YIPF4: variants seen among roughly 807,000 people sequenced by gnomAD.
The protein encoded by YIPF4 is protein YIPF4.
Under a neutral mutation model 29.4 loss-of-function variants are expected in YIPF4, and 18 were observed. The observed-to-expected ratio is 0.61, with a 90% CI of 0.42 to 0.91. YIPF4 has a LOEUF of 0.91. Among genes scored for constraint, YIPF4 ranks in the 40% least tolerant of loss-of-function variants. YIPF4 has a pLI of 0.00. For synonymous variants in YIPF4, 115 were observed against 104.7 expected (o/e 1.10, Z -0.60); for missense variants, 279 against 282.7 (o/e 0.99, Z 0.09).
rs78493840 is a variant in YIPF4, at chr2:32,287,680, G to C, written c.80-2803G>C. On this transcript the variant is annotated intron_variant, in intron 1 of 5. Coordinates refer to ENST00000238831, the MANE Select transcript of YIPF4 (RefSeq NM_032312.4). ...ACCCAGTCATACATTTGAGTTGAAA[G>C]GGAAGAAAAATTCCTGTTAAATTTT... Among the ~76,000 whole-genome samples the C allele has an allele frequency of 8.5e-5, 13 of 152,252 alleles. 1 individual carries two copies. In the East Asian group the frequency reaches 2.3e-3, roughly 27 times the overall value.
chr2:32,302,383 G>A (rs1353527073), intron 5 of YIPF4, among the ~76,000 whole-genome samples: 2 of 152,012 alleles, frequency 1.3e-5, no homozygotes, highest in East Asian at 3.9e-4. Flanking sequence ...TTTATAATAT[G>A]AGTTCATCTG....
chr2:32,282,193 G>C (rs145110744), intron 1 of YIPF4, among the ~76,000 whole-genome samples: 1 of 152,252 alleles, frequency 6.6e-6, no homozygotes, highest in Non-Finnish European at 1.5e-5. Flanking sequence ...CTACTCAGGA[G>C]GCTGAAGCAA....
chr2:32,288,535 G>A (rs534440232), intron 1 of YIPF4, among the ~76,000 whole-genome samples: 27 of 152,214 alleles, frequency 1.8e-4, no homozygotes, highest in African/African-American at 6.0e-4. Flanking sequence ...TTGGCCTGGC[G>A]CGGTGGCTCA....
intron 1 of YIPF4, among the ~76,000 whole-genome samples, chr2:32,284,685 T>C (rs1317607713): frequency 1.3e-5 from 2 of 152,206 alleles, no homozygotes; most frequent in Non-Finnish European, 2.9e-5. Context: ...GGTAGTTCTT[T>C]AGAGCAATGC....
chr2:32,302,439 A>G (rs1307145697), intron 5 of YIPF4, among the ~76,000 whole-genome samples: 1 of 152,152 alleles, frequency 6.6e-6, no homozygotes, highest in Non-Finnish European at 1.5e-5. Context: ...CTGGACATTT[A>G]TTTAGTAACT....
At chr2:32,283,644 T>C (rs1434956069) in intron 1 of YIPF4, among the ~76,000 whole-genome samples, 3 of 152,122 alleles carry the variant, frequency 2.0e-5, no homozygotes, top group Non-Finnish European at 4.4e-5. Context: ...CCAGTACCTA[T>C]CATAGAACCC....
chr2:32,298,467 A>T (rs888870089), intron 4 of YIPF4, among the ~76,000 whole-genome samples, 156 bp downstream of exon 4: 3 of 152,198 alleles, frequency 2.0e-5, no homozygotes, highest in Non-Finnish European at 4.4e-5. Context: ...TATTGTGCTT[A>T]CTCAATAAAT....
Position 32,308,168 on chromosome 2 carries a change from G to A in YIPF4, c.*2542G>A, listed in dbSNP as rs547434930. 1.3e-5 allele frequency: 2 copies of A among 151,958 alleles called. No individual in the cohort carries two copies. Among genetic ancestry groups the A allele is most frequent in the African/African-American group, 4.8e-5 (2 of 41,520 alleles). The allele number at this position is 151,958 out of a possible 1,614,324, so 9.4% of individuals were successfully genotyped here. A position where few individuals can be genotyped will look rare whatever the true frequency, so the allele number is the denominator to read the frequency against. On this transcript the variant is annotated 3_prime_UTR_variant, in exon 6 of 6. Transcript: ENST00000238831. ...TCTGTCACCCAAGCTGGAGTGCAAT[G>A]GCACGATCTCGGCTCACTGCAAGCT...
At chr2:32,280,254 A>C (rs1449236822) in intron 1 of YIPF4, among the ~76,000 whole-genome samples, 1 of 150,958 alleles carries the variant, frequency 6.6e-6, no homozygotes, top group East Asian at 1.9e-4. Flanking sequence ...CAGCCTCCCG[A>C]GTAGCTGGAA....
At chr2:32,291,067 A>G (rs1293812718) in intron 2 of YIPF4, 1 of 152,348 alleles carries the variant, frequency 6.6e-6, no homozygotes, top group Non-Finnish European at 1.5e-5. Flanking sequence ...AGAGGCTTTC[A>G]CTTTCTTTAT....
intron 1 of YIPF4, among the ~76,000 whole-genome samples, chr2:32,279,939 C>T (rs2030317577): frequency 6.8e-6 from 1 of 147,476 alleles, no homozygotes; most frequent in Admixed American, 6.7e-5. Context: ...ACTCGGTTGC[C>T]AGGCTGGAGT....
At position 32,305,830 on chromosome 2, in the gene YIPF4, T is replaced by C. The variant is rs967053361; in HGVS notation, c.*204T>C. On this transcript the variant is annotated 3_prime_UTR_variant, in exon 6 of 6. Transcript: ENST00000238831. ...ATCTGGGATTTTTGGGTCAGAATTT[T>C]AAATTCTGTTTGATTCTCCATATTC... is the stretch of plus-strand genomic sequence containing the variant. 3.3e-6 allele frequency: 4 copies of C among 1,201,458 alleles called. No individual in the cohort carries two copies. The highest frequency in any genetic ancestry group is 8.8e-5 in the Admixed American group (2 of 22,708). 74.4% of individuals were successfully genotyped at this position (1,201,458 alleles called of 1,614,324 possible). A position where few individuals can be genotyped will look rare whatever the true frequency, so the allele number is the denominator to read the frequency against.
rs567938895 is a variant in YIPF4 at position 32,306,819 on chromosome 2, T to C, written c.*1193T>C. 5.2e-5 allele frequency: 10 copies of C among 193,924 alleles called. No individual in the cohort carries two copies. The highest frequency in any genetic ancestry group is 2.8e-4 in the South Asian group (2 of 7,070). 12.0% of individuals were successfully genotyped at this position (193,924 alleles called of 1,614,324 possible). On this transcript the variant is annotated 3_prime_UTR_variant, in exon 6 of 6. Coordinates refer to ENST00000238831, the MANE Select transcript of YIPF4 (RefSeq NM_032312.4). Reference sequence around the variant, plus strand: ...TCTGTTAACTATTAGCAAATTATTGTATTATCCTTTCTGGTCTCACCTGGA... The same window carrying C: ...TCTGTTAACTATTAGCAAATTATTGCATTATCCTTTCTGGTCTCACCTGGA...
rs913976167 is a variant in YIPF4 at position 32,311,099 on chromosome 2, G to A, written c.*5473G>A. ...AAAAACTCCCATGCTGATCGGTTGT[G>A]GGATCGTGCCTGTGAATAACCACTG... is the stretch of plus-strand genomic sequence containing the variant. On this transcript the variant is annotated 3_prime_UTR_variant, in exon 6 of 6. Coordinates refer to ENST00000238831, the MANE Select transcript of YIPF4 (RefSeq NM_032312.4). 2.0e-5 allele frequency: 3 copies of A among 151,516 alleles called. No homozygotes were observed. Among genetic ancestry groups the A allele is most frequent in the African/African-American group, 7.3e-5 (3 of 41,230 alleles). 9.4% of individuals were successfully genotyped at this position (151,516 alleles called of 1,614,324 possible).
chr2:32,293,678 C>T (rs889359815), intron 3 of YIPF4, among the ~76,000 whole-genome samples: 15 of 152,006 alleles, frequency 9.9e-5, no homozygotes, highest in Non-Finnish European at 1.3e-4. Context: ...CGGGCAGAGG[C>T]ACCCCTCACC....
chr2:32,281,914 A>AAAAAATT (rs58034160), intron 1 of YIPF4, among the ~76,000 whole-genome samples: 11 of 145,516 alleles, frequency 7.6e-5, no homozygotes, highest in Admixed American at 1.4e-4. Flanking sequence ...AAAAAAAAAA[A>AAAAAATT]AGGCAACCAT....
Position 32,312,176 on chromosome 2 carries a change from A to G in YIPF4, c.*6550A>G, listed in dbSNP as rs1449418942. 4 of 152,148 alleles carry G rather than the reference A, an allele frequency of 2.6e-5. No individual in the cohort carries two copies. Among genetic ancestry groups the G allele is most frequent in the Non-Finnish European group, 5.9e-5 (4 of 68,030 alleles). 9.4% of individuals were successfully genotyped at this position (152,148 alleles called of 1,614,324 possible). ...CTTTTTTTACCAAATGGTACTTAAT[A>G]AAATCTTTTACCTTATAAAAATCTA... On this transcript the variant is annotated 3_prime_UTR_variant, in exon 6 of 6. Transcript: ENST00000238831.
chr2:32,284,480 AC>A (rs2030567748), intron 1 of YIPF4, among the ~76,000 whole-genome samples: 1 of 152,122 alleles, frequency 6.6e-6, no homozygotes, highest in African/African-American at 2.4e-5. Flanking sequence ...GTGAGTTCTC[AC>A]AAGGTCTGGT....
In YIPF4 at chr2:32,309,238, T is replaced by C. The variant is rs2031665183; in HGVS notation, c.*3612T>C. ...GAGCACCCCAATCCAAAATTCAGAA[T>C]GCTTCAGATAAGAACATTTTTGAGT... On this transcript the variant is annotated 3_prime_UTR_variant, in exon 6 of 6. Coordinates refer to ENST00000238831, the MANE Select transcript of YIPF4 (RefSeq NM_032312.4). 6.6e-6 allele frequency: 1 copy of C among 152,108 alleles called. No individual in the cohort carries two copies. Among genetic ancestry groups the C allele is most frequent in the African/African-American group, 2.4e-5 (1 of 41,420 alleles). 9.4% of individuals were successfully genotyped at this position (152,108 alleles called of 1,614,324 possible).
Sources: gnomAD v4.1 joint callset for allele counts (sites outside exome capture counted in the v4.1 genomes callset) on GRCh38, gnomAD v4.1.1 for gene constraint, MANE v1.5 for transcripts, NCBI Gene and HGNC (gene_info 2026-07-23, HGNC 2026-07-21) for gene names.